Variants in GAB4 observed in about 807,000 individuals in gnomAD.
The protein encoded by GAB4 is GRB2 associated binding protein family member 4, also known as GRB2-associated-binding protein 4.
In GAB4, 26 loss-of-function variants were observed where a neutral mutation model predicts 51.3. The observed-to-expected ratio is 0.51, with a 90% confidence interval of 0.37 to 0.70. GAB4 has a LOEUF of 0.70. GAB4 is among the 30% of genes least tolerant of loss of function. GAB4 has a pLI of 0.00. For synonymous variants in GAB4, 329 were observed against 291.2 expected (o/e 1.13, Z -1.32); for missense variants, 759 against 734.6 (o/e 1.03, Z -0.38).
At chr22:16,971,240 T>C (rs1236010134) in intron 3 of GAB4, among the ~76,000 whole-genome samples, 1 of 152,128 alleles carries the variant, frequency 6.6e-6, no homozygotes, top group Non-Finnish European at 1.5e-5. Context: ...TTTTGGGAGA[T>C]AAGGCAAGTA....
chr22:16,982,955 T>C (rs1389079807), intron 3 of GAB4, among the ~76,000 whole-genome samples: 8 of 152,240 alleles, frequency 5.3e-5, no homozygotes, highest in African/African-American at 1.7e-4. Context: ...GTGGCGTGGA[T>C]GGAATCCAGG....
Position 16,966,101 on chromosome 22 carries a change from C to A in GAB4, c.1287G>T (p.Lys429Asn), listed in dbSNP as rs4819925. ...GAAATAGAATGGGGAAAGACTTACCCTTCTGGTTAGGCTTGAGGCTGCGGT... is the reference window on the plus strand; with the variant it reads ...GAAATAGAATGGGGAAAGACTTACCATTCTGGTTAGGCTTGAGGCTGCGGT... Reference protein sequence around the residue: ...PVNRSLKPNQKANPTPPNLRN... With the variant: ...PVNRSLKPNQNANPTPPNLRN... The change falls in exon 6 of 10, where the codon AAG (lysine) becomes AAT (asparagine). Residue 429 changes from lysine (K) to asparagine (N), a missense_variant and splice_region_variant. Lys to Asn is a moderately conservative substitution (Grantham distance 94). This residue lies in a region of GAB4 where 588 missense variants were observed against 510.2 expected (regional missense o/e 1.15). Transcript: ENST00000400588. 6.2e-7 allele frequency: 1 copy of A among 1,613,604 alleles called. No individual in the cohort carries two copies. The highest frequency in any genetic ancestry group is 8.5e-7 in the Non-Finnish European group (1 of 1,179,816).
At chr22:16,988,463 G>A (rs2060887649) in intron 2 of GAB4, among the ~76,000 whole-genome samples, 1 of 152,210 alleles carries the variant, frequency 6.6e-6, no homozygotes. Context: ...CGGGCCCCCA[G>A]GCAAGACAGC....
At chr22:17,001,719 G>A (rs758846124) in intron 1 of GAB4, among the ~76,000 whole-genome samples, 7 of 152,136 alleles carry the variant, frequency 4.6e-5, no homozygotes, top group Admixed American at 1.3e-4. Flanking sequence ...GAGAAGAGGC[G>A]CTCTGATTTT....
chr22:17,002,611 T>C (rs547782671), intron 1 of GAB4, among the ~76,000 whole-genome samples: 1 of 151,426 alleles, frequency 6.6e-6, no homozygotes, highest in South Asian at 2.1e-4. Context: ...TTCTCACTCA[T>C]AGGTGGGAAT....
Position 16,962,454 on chromosome 22 carries a change from ATGAG to A in GAB4, c.*275_*278del. The A allele has an allele frequency of 3.4e-6, 1 of 297,256 alleles. No individual in the cohort carries two copies. Among genetic ancestry groups the A allele is most frequent in the Non-Finnish European group, 6.2e-6 (1 of 160,870 alleles). The allele number at this position is 297,256 out of a possible 1,614,324, so 18.4% of individuals were successfully genotyped here. ...GGCTAGAAGGAAGAGGCTGAGGACC[ATGAG>A]TAAGTGTGAGAGTGGAAATCTGTTG... On this transcript the variant is annotated 3_prime_UTR_variant, in exon 10 of 10. Coordinates refer to ENST00000400588, the MANE Select transcript of GAB4 (RefSeq NM_001037814.1).
At chr22:16,966,685 A>T (rs2060679275) in intron 5 of GAB4, 1 of 307,696 alleles carries the variant, frequency 3.2e-6, no homozygotes, top group Non-Finnish European at 6.1e-6. Context: ...AAGAGGAGAG[A>T]GGGTGGCAAC....
intron 5 of GAB4, 105 bp downstream of exon 5, chr22:16,968,193 G>A: frequency 1.2e-6 from 1 of 812,874 alleles, no homozygotes; most frequent in Non-Finnish European, 2.1e-6. Context: ...CAGCCTCCTA[G>A]GAGGGAGATG....
chr22:17,002,779 A>T (rs1387267681), intron 1 of GAB4, among the ~76,000 whole-genome samples: 1 of 152,178 alleles, frequency 6.6e-6, no homozygotes, highest in African/African-American at 2.4e-5. Context: ...ATACATATGT[A>T]ACAGACCTGT....
chr22:16,980,552 G>C (rs538023449), intron 3 of GAB4, among the ~76,000 whole-genome samples: 2 of 152,210 alleles, frequency 1.3e-5, no homozygotes, highest in Non-Finnish European at 2.9e-5. Flanking sequence ...CTTTTACACT[G>C]TTGGTGGGAG....
chr22:16,992,203 G>A (rs775978909), intron 1 of GAB4, 27 bp from the exon 2 acceptor site: 1 of 1,579,142 alleles, frequency 6.3e-7, no homozygotes, highest in Non-Finnish European at 8.6e-7. Context: ...AAGAGGGGAA[G>A]CATGCATTTG....
At chr22:16,976,858 C>A (rs998732236) in intron 3 of GAB4, among the ~76,000 whole-genome samples, 14 of 152,172 alleles carry the variant, frequency 9.2e-5, no homozygotes, top group African/African-American at 3.1e-4. Context: ...AGAGAAGGGG[C>A]CAATATTCAA....
chr22:17,004,312 T>C (rs1377101675), intron 1 of GAB4, among the ~76,000 whole-genome samples: 1 of 152,134 alleles, frequency 6.6e-6, no homozygotes, highest in African/African-American at 2.4e-5. Flanking sequence ...GAGGGACTCC[T>C]CCCTAACTCA....
At chr22:16,977,070 C>G (rs2060784765) in intron 3 of GAB4, among the ~76,000 whole-genome samples, 1 of 152,130 alleles carries the variant, frequency 6.6e-6, no homozygotes, top group Non-Finnish European at 1.5e-5. Context: ...CAAAACCATA[C>G]CAAAATGTAG....
At chr22:16,974,776 A>C (rs111906807) in intron 3 of GAB4, among the ~76,000 whole-genome samples, 1 of 152,214 alleles carries the variant, frequency 6.6e-6, no homozygotes, top group Non-Finnish European at 1.5e-5. Flanking sequence ...ATCAACGCAG[A>C]AGGTGGGTGA....
At chr22:16,968,416 C>A in intron 4 of GAB4, 33 bp from the exon 5 acceptor site, 1 of 1,499,614 alleles carries the variant, frequency 6.7e-7, no homozygotes. Context: ...ACATGCATCA[C>A]AGCTGATCCA....
chr22:16,963,951 G>C, intron 8 of GAB4, 122 bp from the exon 9 acceptor site: 1 of 691,844 alleles, frequency 1.4e-6, no homozygotes, highest in Non-Finnish European at 2.5e-6. Context: ...ATGCACTGGG[G>C]CACTCTCTGC....
At chr22:16,979,355 C>T (rs1043343371) in intron 3 of GAB4, among the ~76,000 whole-genome samples, 1 of 152,246 alleles carries the variant, frequency 6.6e-6, no homozygotes, top group Admixed American at 6.5e-5. Flanking sequence ...AATCCACGTG[C>T]AAAAATCACA....
chr22:16,989,843 C>G (rs1451242026), intron 2 of GAB4, among the ~76,000 whole-genome samples: 1 of 152,210 alleles, frequency 6.6e-6, no homozygotes, highest in Non-Finnish European at 1.5e-5. Flanking sequence ...CACCCTGACT[C>G]CGGATACCGC....
Sources: allele counts gnomAD v4.1 joint callset (sites outside exome capture counted in the v4.1 genomes callset), GRCh38; gene constraint gnomAD v4.1.1; regional missense constraint gnomAD v4.1.1; transcripts MANE v1.5; gene names NCBI Gene and HGNC (gene_info 2026-07-23, HGNC 2026-07-21).